PGPEP1: variants seen among roughly 807,000 people sequenced by gnomAD.
PGPEP1 encodes the protein pyroglutamyl-peptidase I.
In PGPEP1, 15 loss-of-function variants were observed where a neutral mutation model predicts 24.1. The ratio of observed to expected loss-of-function variants is 0.62; its 90% CI spans 0.42 to 0.96. PGPEP1 has a LOEUF of 0.96. PGPEP1 is among the 40% of genes least tolerant of loss of function. The probability of loss-of-function intolerance (pLI) is 0.00; values close to 1 mark genes in which losing one functional copy is unlikely to be tolerated. For missense variants in PGPEP1, 242 were observed against 273.4 expected (o/e 0.89, Z 0.81); for synonymous variants, 122 against 116.4 (o/e 1.05, Z -0.31).
rs554943043 is a variant in PGPEP1, at chr19:18,356,029, G to A, written c.204+18G>A. ...GTCCACAGGTGAGTGGTGCCAAGGG[G>A]CGGCACTTCCTCATCAGGACTTACA... is the stretch of plus-strand genomic sequence containing the variant. On this transcript the variant is annotated intron_variant, in intron 3 of 4. Coordinates refer to ENST00000269919, the MANE Select transcript of PGPEP1 (RefSeq NM_017712.4). 6.7e-7 allele frequency: 1 copy of A among 1,495,256 alleles called. No homozygotes were observed. The highest frequency in any genetic ancestry group is 1.4e-5 in the African/African-American group (1 of 72,676). The allele number at this position is 1,495,256 out of a possible 1,614,324, so 92.6% of individuals were successfully genotyped here.
intron 2 of PGPEP1, among the ~76,000 whole-genome samples, chr19:18,348,005 T>C (rs1970904802): frequency 6.6e-6 from 1 of 152,130 alleles, no homozygotes; most frequent in Admixed American, 6.6e-5. Flanking sequence ...TGGAACTGTT[T>C]CCCACCCGCA....
In PGPEP1 at chr19:18,365,466, C is replaced by T. The variant is rs2144591616; in HGVS notation, c.*1883C>T. The T allele has an allele frequency of 6.6e-6, 1 of 152,436 alleles. No homozygotes were observed. The highest frequency in any genetic ancestry group is 2.1e-4 in the South Asian group (1 of 4,838). The allele number at this position is 152,436 out of a possible 1,614,324, so 9.4% of individuals were successfully genotyped here. ...CAAGTGATCCTCCCATCTCAGCCTCCTGAGTAGCTGGGACTACAGGCATGC... is the reference window on the plus strand; with the variant it reads ...CAAGTGATCCTCCCATCTCAGCCTCTTGAGTAGCTGGGACTACAGGCATGC... On this transcript the variant is annotated 3_prime_UTR_variant, in exon 5 of 5. Transcript: ENST00000269919.
chr19:18,362,275 C>T (rs1405237278), intron 4 of PGPEP1, among the ~76,000 whole-genome samples: 2 of 152,038 alleles, frequency 1.3e-5, no homozygotes, highest in Non-Finnish European at 2.9e-5. Context: ...GATGTGCTGG[C>T]AGGCACCTGT....
chr19:18,351,048 C>T (rs990198943), intron 2 of PGPEP1, among the ~76,000 whole-genome samples: 2 of 152,102 alleles, frequency 1.3e-5, no homozygotes, highest in Admixed American at 1.3e-4. Flanking sequence ...CCAAGGTGGG[C>T]GGATCATGAG....
rs1971437391 is a variant in PGPEP1 at position 18,364,083 on chromosome 19, G to GCTTTCTTTCTTTCTTTCTTTT, written c.*520_*521insTCTTTCTTTCTTTCTTTCTTT. 1 of 86,644 alleles carries GCTTTCTTTCTTTCTTTCTTTT rather than the reference G, an allele frequency of 1.2e-5. No individual in the cohort carries two copies. 5.4% of individuals were successfully genotyped at this position (86,644 alleles called of 1,614,324 possible). ...ACCCTGGGATATGGCTGGCTGGCTG[G>GCTTTCTTTCTTTCTTTCTTTT]CTTTCTTTCTTTCTTTCTTTCTTTC... On this transcript the variant is annotated 3_prime_UTR_variant, in exon 5 of 5. Coordinates refer to ENST00000269919, the MANE Select transcript of PGPEP1 (RefSeq NM_017712.4).
chr19:18,355,783 C>A, intron 2 of PGPEP1, 112 bp from the exon 3 acceptor site: 1 of 702,458 alleles, frequency 1.4e-6, no homozygotes, highest in Non-Finnish European at 2.6e-6. Flanking sequence ...CACACCCTTG[C>A]CATCCTGCAG....
chr19:18,341,721 G>T (rs1970675572), intron 1 of PGPEP1, among the ~76,000 whole-genome samples: 1 of 152,154 alleles, frequency 6.6e-6, no homozygotes, highest in Non-Finnish European at 1.5e-5. Context: ...CCATTTTGCA[G>T]AAAGGGAAAC....
At chr19:18,358,554 C>G (rs973967052) in intron 4 of PGPEP1, among the ~76,000 whole-genome samples, 4 of 149,378 alleles carry the variant, frequency 2.7e-5, no homozygotes, top group African/African-American at 4.9e-5. Flanking sequence ...GCCACTGCGC[C>G]CAGCCGACCT....
intron 2 of PGPEP1, among the ~76,000 whole-genome samples, chr19:18,351,946 C>T (rs941299978): frequency 4.0e-5 from 6 of 151,680 alleles, no homozygotes; most frequent in Non-Finnish European, 8.8e-5. Context: ...GCCAACATGA[C>T]GAAACCCTGT....
intron 2 of PGPEP1, among the ~76,000 whole-genome samples, chr19:18,349,512 C>T (rs907574308): frequency 1.3e-5 from 2 of 152,176 alleles, no homozygotes; most frequent in African/African-American, 4.8e-5. Flanking sequence ...TAACACATCC[C>T]ATGAGACTCA....
At position 18,363,199 on chromosome 19, in the gene PGPEP1, G is replaced by A. The variant is rs118080904; in HGVS notation, c.438-192G>A. 1.4e-4 allele frequency among the ~76,000 whole-genome samples: 22 copies of A among 152,096 alleles called. No homozygotes were observed. In the East Asian group the frequency reaches 4.3e-3, roughly 29 times the overall value. On this transcript the variant is annotated intron_variant, in intron 4 of 4. Coordinates refer to ENST00000269919, the MANE Select transcript of PGPEP1 (RefSeq NM_017712.4). ...ACCTCCTGAGTAGCTGGGACTACAG[G>A]CACGTGCCACCACCTCTGGTGATTT...
intron 4 of PGPEP1, among the ~76,000 whole-genome samples, chr19:18,358,376 C>G (rs994301991): frequency 6.6e-6 from 1 of 150,454 alleles, no homozygotes; most frequent in Admixed American, 6.7e-5. Flanking sequence ...TTCTCCTGCC[C>G]CAGCCTCCCA....
At chr19:18,342,098 G>A (rs887623935) in intron 1 of PGPEP1, among the ~76,000 whole-genome samples, 2 of 152,050 alleles carry the variant, frequency 1.3e-5, no homozygotes, top group Non-Finnish European at 2.9e-5. Flanking sequence ...TAGTAGAAAC[G>A]GGGTTTCACC....
intron 2 of PGPEP1, among the ~76,000 whole-genome samples, chr19:18,352,469 G>A (rs776458628): frequency 3.3e-5 from 5 of 151,548 alleles, no homozygotes; most frequent in Non-Finnish European, 5.9e-5. Flanking sequence ...TCTACATGAT[G>A]TGTGCCCTGT....
At chr19:18,357,823 G>A (rs1445210171) in intron 4 of PGPEP1, 7 of 573,030 alleles carry the variant, frequency 1.2e-5, no homozygotes, top group Admixed American at 6.0e-5. Flanking sequence ...CCACCATCAC[G>A]GTCCCCACCA....
At chr19:18,342,579 C>T (rs747976894) in intron 1 of PGPEP1, among the ~76,000 whole-genome samples, 9 of 152,164 alleles carry the variant, frequency 5.9e-5, no homozygotes, top group Non-Finnish European at 7.3e-5. Flanking sequence ...AGGACCTTTT[C>T]GGAGGCAGAA....
intron 4 of PGPEP1, among the ~76,000 whole-genome samples, chr19:18,358,674 GGC>G (rs1971260414): frequency 6.6e-6 from 1 of 152,028 alleles, no homozygotes; most frequent in African/African-American, 2.4e-5. Flanking sequence ...GGAGTGCAAT[GGC>G]GCCATCTCGG....
At chr19:18,352,962 G>A (rs1278807057) in intron 2 of PGPEP1, among the ~76,000 whole-genome samples, 1 of 151,104 alleles carries the variant, frequency 6.6e-6, no homozygotes, top group Non-Finnish European at 1.5e-5. Context: ...TTGTCACCCA[G>A]GCTGGAGTGC....
rs59936417 is a variant in PGPEP1 at position 18,347,270 on chromosome 19, CTTTTT to C, written c.87+4373_87+4377del. 8.5e-5 allele frequency among the ~76,000 whole-genome samples: 8 copies of C among 94,412 alleles called. 1 individual carries two copies. Among genetic ancestry groups the C allele is most frequent in the South Asian group, 3.8e-4 (1 of 2,624 alleles). 61.9% of individuals were successfully genotyped at this position (94,412 alleles called of 152,430 possible). Reference sequence around the variant, plus strand: ...CTAATTTTTTTTTCTTTCTTTCTTTCTTTTTTTTTTTTTTTTTTGTAGAGATGGGA... The same window carrying C: ...CTAATTTTTTTTTCTTTCTTTCTTTCTTTTTTTTTTTTTGTAGAGATGGGA... On this transcript the variant is annotated intron_variant, in intron 2 of 4. Transcript: ENST00000269919.
Sources: allele counts gnomAD v4.1 joint callset (sites outside exome capture counted in the v4.1 genomes callset), GRCh38; gene constraint gnomAD v4.1.1; transcripts MANE v1.5; gene names NCBI Gene and HGNC (gene_info 2026-07-23, HGNC 2026-07-21).